INSYN2B: variants seen among roughly 807,000 people sequenced by gnomAD.
The protein encoded by INSYN2B is protein INSYN2B.
Under a neutral mutation model 41.2 loss-of-function variants are expected in INSYN2B, and 16 were observed. The observed-to-expected ratio is 0.39, with a 90% CI of 0.26 to 0.59. INSYN2B has a LOEUF of 0.59. Among genes scored for constraint, INSYN2B ranks in the 20% least tolerant of loss-of-function variants. INSYN2B has a pLI of 0.57. For synonymous variants in INSYN2B, 245 were observed against 244.4 expected (o/e 1.00, Z -0.02); for missense variants, 608 against 646.4 (o/e 0.94, Z 0.64).
At chr5:169,909,153 T>C (rs1224486869) in intron 1 of INSYN2B, among the ~76,000 whole-genome samples, 3 of 152,236 alleles carry the variant, frequency 2.0e-5, no homozygotes, top group Non-Finnish European at 4.4e-5. Flanking sequence ...GCCTTCATTC[T>C]TTATCTATCA....
rs542728501 is a variant in INSYN2B, at chr5:169,861,918, TTTTTCTTTTC to T, written c.*2345_*2354del. On this transcript the variant is annotated 3_prime_UTR_variant, in exon 4 of 4. Coordinates refer to ENST00000377365, the MANE Select transcript of INSYN2B (RefSeq NM_001129891.3). ...TAGAAATGTCAACATTTTATTTATT[TTTTTCTTTTC>T]TTTTCTTTTCTTTTTTTTTTGTTGG... Among the ~76,000 whole-genome samples the T allele has an allele frequency of 1.3e-5, 2 of 148,728 alleles. No homozygotes were observed. The highest frequency in any genetic ancestry group is 2.4e-5 in the African/African-American group (1 of 41,064).
intron 1 of INSYN2B, among the ~76,000 whole-genome samples, chr5:169,930,091 G>A (rs944711728): frequency 3.3e-5 from 5 of 152,066 alleles, no homozygotes; most frequent in Non-Finnish European, 7.4e-5. Context: ...CCTGGGTTCC[G>A]GTGATTCCCC....
chr5:169,869,738 G>A (rs991698821), intron 3 of INSYN2B, among the ~76,000 whole-genome samples: 7 of 152,242 alleles, frequency 4.6e-5, no homozygotes, highest in Admixed American at 3.9e-4. Flanking sequence ...GCAGAGCGTT[G>A]TTTGCAGACA....
In INSYN2B at chr5:169,863,410, C is replaced by T. The variant is rs1398505499; in HGVS notation, c.*863G>A. Among the ~76,000 whole-genome samples, 2 of 152,222 alleles carry T rather than the reference C, an allele frequency of 1.3e-5. No individual in the cohort carries two copies. Among genetic ancestry groups the T allele is most frequent in the African/African-American group, 2.4e-5 (1 of 41,450 alleles). On this transcript the variant is annotated 3_prime_UTR_variant, in exon 4 of 4. Transcript: ENST00000377365. Reference sequence around the variant, plus strand: ...GTAACTGATGGACAGGTTGCTGGATCTCATGATTTTAAATATTGCAGGTAA... The same window carrying T: ...GTAACTGATGGACAGGTTGCTGGATTTCATGATTTTAAATATTGCAGGTAA...
intron 1 of INSYN2B, among the ~76,000 whole-genome samples, chr5:169,969,769 C>A (rs1777434162): frequency 6.6e-6 from 1 of 152,192 alleles, no homozygotes; most frequent in South Asian, 2.1e-4. Flanking sequence ...TCCCAGCAGA[C>A]CAAGATGAGT....
In INSYN2B at chr5:169,939,196, G is replaced by A. The variant is rs181512386; in HGVS notation, c.-919+41081C>T. Among the ~76,000 whole-genome samples, 350 of 146,900 alleles carry A rather than the reference G, an allele frequency of 2.4e-3. 1 individual carries two copies. Among genetic ancestry groups the A allele is most frequent in the Non-Finnish European group, 3.5e-3 (231 of 66,712 alleles). ...TGGGATTACAGGCGTGAGCCACTGT[G>A]CCCGGCCTTTTTTTTTTTTTTAAAC... On this transcript the variant is annotated intron_variant, in intron 1 of 3. Transcript: ENST00000377365.
chr5:169,872,884 A>G (rs957133330), intron 3 of INSYN2B, among the ~76,000 whole-genome samples: 3 of 152,204 alleles, frequency 2.0e-5, no homozygotes, highest in Non-Finnish European at 4.4e-5. Context: ...TCCTATCCAC[A>G]TTTTAGGATG....
At chr5:169,922,239 C>T (rs1180300759) in intron 1 of INSYN2B, among the ~76,000 whole-genome samples, 3 of 152,170 alleles carry the variant, frequency 2.0e-5, no homozygotes, top group African/African-American at 7.2e-5. Flanking sequence ...GTATTTATTG[C>T]TTCCAAAGAA....
At chr5:169,972,048 A>G (rs1409287157) in intron 1 of INSYN2B, among the ~76,000 whole-genome samples, 1 of 152,230 alleles carries the variant, frequency 6.6e-6, no homozygotes, top group Admixed American at 6.5e-5. Flanking sequence ...ATTATTTCCA[A>G]CACAACTTCC....
chr5:169,934,021 G>A (rs546226852), intron 1 of INSYN2B, among the ~76,000 whole-genome samples: 112 of 152,252 alleles, frequency 7.4e-4, no homozygotes, highest in Non-Finnish European at 1.5e-3. Flanking sequence ...AAGCATTTAG[G>A]GCAGAGCATG....
At chr5:169,893,095 A>G (rs1244641216) in intron 1 of INSYN2B, among the ~76,000 whole-genome samples, 1 of 152,054 alleles carries the variant, frequency 6.6e-6, no homozygotes, top group Non-Finnish European at 1.5e-5. Context: ...TAAATGTTTT[A>G]GGGTCAGTGA....
intron 1 of INSYN2B, among the ~76,000 whole-genome samples, chr5:169,887,791 A>G (rs184359551): frequency 8.5e-5 from 13 of 152,310 alleles, no homozygotes; most frequent in Admixed American, 8.5e-4. Context: ...GATTTCGTTG[A>G]TACTACCATG....
intron 3 of INSYN2B, among the ~76,000 whole-genome samples, chr5:169,879,244 T>G (rs1772499910): frequency 6.6e-6 from 1 of 152,172 alleles, no homozygotes; most frequent in South Asian, 2.1e-4. Context: ...GCATCCATCA[T>G]CGGGGAGAGA....
chr5:169,901,533 G>A (rs999577346), intron 1 of INSYN2B, among the ~76,000 whole-genome samples: 2 of 152,084 alleles, frequency 1.3e-5, no homozygotes, highest in Non-Finnish European at 2.9e-5. Context: ...GACTGGATGG[G>A]GCAAAAGTGG....
intron 1 of INSYN2B, among the ~76,000 whole-genome samples, chr5:169,952,068 A>G (rs1417906099): frequency 6.6e-6 from 1 of 152,210 alleles, no homozygotes; most frequent in African/African-American, 2.4e-5. Context: ...TTTGTTACCT[A>G]AGCCCCAAGG....
chr5:169,944,811 G>T (rs956220694), intron 1 of INSYN2B, among the ~76,000 whole-genome samples: 1 of 152,198 alleles, frequency 6.6e-6, no homozygotes. Context: ...AAGCTGAACG[G>T]TTTCTGACCA....
At chr5:169,973,341 T>A (rs911037651) in intron 1 of INSYN2B, among the ~76,000 whole-genome samples, 1 of 152,120 alleles carries the variant, frequency 6.6e-6, no homozygotes, top group African/African-American at 2.4e-5. Context: ...ACTCTACACA[T>A]CTCCGGCTGA....
chr5:169,948,518 A>C (rs1364502236), intron 1 of INSYN2B, among the ~76,000 whole-genome samples: 4 of 152,022 alleles, frequency 2.6e-5, no homozygotes, highest in Non-Finnish European at 5.9e-5. Context: ...CTACACACAC[A>C]TAGAAACACA....
chr5:169,961,716 G>T (rs528985460), intron 1 of INSYN2B, among the ~76,000 whole-genome samples: 1 of 152,070 alleles, frequency 6.6e-6, no homozygotes, highest in Admixed American at 6.5e-5. Context: ...AGTGGCTCAC[G>T]CCCGTAATCC....
Sources: allele counts gnomAD v4.1 joint callset (sites outside exome capture counted in the v4.1 genomes callset), GRCh38; gene constraint gnomAD v4.1.1; transcripts MANE v1.5; gene names NCBI Gene and HGNC (gene_info 2026-07-23, HGNC 2026-07-21).